Variants in SASH1 observed in about 807,000 individuals in gnomAD.
The protein encoded by SASH1 is SAM and SH3 domain-containing protein 1.
In SASH1, 44 loss-of-function variants were observed where a neutral mutation model predicts 125.2. The ratio of observed to expected loss-of-function variants is 0.35; its 90% CI spans 0.28 to 0.45. The LOEUF (loss-of-function observed/expected upper bound fraction) is 0.45. Ranked by LOEUF, SASH1 falls within the 20% of genes least tolerant of loss-of-function variation. The pLI, the probability that SASH1 is intolerant of heterozygous loss-of-function variation, is 1.00. For synonymous variants in SASH1, 639 were observed against 649.1 expected (o/e 0.98, Z 0.24); for missense variants, 1,426 against 1,614.5 (o/e 0.88, Z 2.00).
At chr6:148,354,872 C>T (rs1230310421) in intron 1 of SASH1, among the ~76,000 whole-genome samples, 1 of 152,148 alleles carries the variant, frequency 6.6e-6, no homozygotes, top group African/African-American at 2.4e-5. Context: ...AAGCAATTCT[C>T]CCTCAGCATC....
At position 148,495,378 on chromosome 6, in the gene SASH1, G is replaced by A. The variant is rs953646405; in HGVS notation, c.729+7663G>A. ...TGTATAACCACTGTCGTCTTTTATA[G>A]AATCTGCTATTGTGAGCTCAACTCA... is the stretch of plus-strand genomic sequence containing the variant. On this transcript the variant is annotated intron_variant, in intron 8 of 19. Coordinates refer to ENST00000367467, the MANE Select transcript of SASH1 (RefSeq NM_015278.5). The surrounding 1 kb of genome is among the most constrained non-coding windows in gnomAD (Gnocchi z 4.0). Among the ~76,000 whole-genome samples the A allele has an allele frequency of 6.6e-6, 1 of 152,160 alleles. No individual in the cohort carries two copies. The highest frequency in any genetic ancestry group is 1.5e-5 in the Non-Finnish European group (1 of 68,024).
intron 8 of SASH1, chr6:148,508,588 T>C (rs1779937542): frequency 9.7e-6 from 11 of 1,135,130 alleles, no homozygotes; most frequent in Non-Finnish European, 1.1e-5. Context: ...GACTTATGCC[T>C]TTCTTGCGAG....
intron 1 of SASH1, among the ~76,000 whole-genome samples, chr6:148,358,422 G>A (rs1379454410): frequency 6.6e-6 from 1 of 152,160 alleles, no homozygotes; most frequent in Non-Finnish European, 1.5e-5. Context: ...GGCTCGGAGT[G>A]TTGTTTTGGC....
At chr6:148,386,005 G>T (rs992220219) in intron 1 of SASH1, among the ~76,000 whole-genome samples, 2 of 152,218 alleles carry the variant, frequency 1.3e-5, no homozygotes, top group South Asian at 4.1e-4. Flanking sequence ...CTTGCTTCTG[G>T]CATCAGAAGT....
intron 1 of SASH1, among the ~76,000 whole-genome samples, chr6:148,283,726 A>T (rs1779407759): frequency 1.3e-5 from 2 of 152,112 alleles, no homozygotes; most frequent in South Asian, 4.2e-4. Flanking sequence ...GGGAGCCAAG[A>T]TCGCACCACT....
the SASH1 span, among the ~76,000 whole-genome samples, chr6:148,218,240 A>G: frequency 6.6e-6 from 1 of 152,102 alleles, no homozygotes; most frequent in Non-Finnish European, 1.5e-5. Flanking sequence ...AAAAAAATAA[A>G]AAAACTTAGC....
At chr6:148,195,456 A>G in the SASH1 span, among the ~76,000 whole-genome samples, 14 of 152,240 alleles carry the variant, frequency 9.2e-5, no homozygotes, top group Non-Finnish European at 1.6e-4. Context: ...TTTCCAAATC[A>G]GATAGTCACA....
intron 8 of SASH1, among the ~76,000 whole-genome samples, chr6:148,497,549 A>T (rs1779365506): frequency 6.6e-6 from 1 of 152,148 alleles, no homozygotes. Context: ...CAGGCACTTC[A>T]TCTCTTTGTT....
At chr6:148,386,968 T>C (rs1459169543) in intron 1 of SASH1, among the ~76,000 whole-genome samples, 1 of 152,100 alleles carries the variant, frequency 6.6e-6, no homozygotes, top group Admixed American at 6.6e-5. Flanking sequence ...GCCCTGGTGC[T>C]GAAGATAGCC....
chr6:148,241,636 C>T, the SASH1 span, among the ~76,000 whole-genome samples: 2 of 152,142 alleles, frequency 1.3e-5, no homozygotes, highest in African/African-American at 4.8e-5. Context: ...AGAAATGAAG[C>T]GAGCTGCAAT....
intron 15 of SASH1, 96 bp from the exon 16 acceptor site, chr6:148,534,655 A>ATGGGAACAGTGTGTGGGTTGC: frequency 8.5e-7 from 1 of 1,178,008 alleles, no homozygotes; most frequent in Non-Finnish European, 1.3e-6. Flanking sequence ...GAAGGTGACT[A>ATGGGAACAGTGTGTGGGTTGC]TGGGAACAGT....
chr6:148,328,130 C>T (rs1323625992), intron 1 of SASH1, among the ~76,000 whole-genome samples: 5 of 152,054 alleles, frequency 3.3e-5, no homozygotes, highest in African/African-American at 4.8e-5. Context: ...CAGCCTTGAA[C>T]GGTTGGCCTC....
chr6:148,512,503 C>G (rs1175217798), intron 8 of SASH1: 1 of 985,092 alleles, frequency 1.0e-6, no homozygotes, highest in Non-Finnish European at 1.2e-6. Flanking sequence ...GAGGGTTAAC[C>G]AAGTTCTCAT....
the SASH1 span, among the ~76,000 whole-genome samples, chr6:148,266,258 C>T: frequency 7.9e-5 from 12 of 152,318 alleles, no homozygotes; most frequent in South Asian, 6.2e-4. Flanking sequence ...CGTGAGCCAC[C>T]GTGCCCAGCT....
Position 148,527,558 on chromosome 6 carries a change from A to G in SASH1, c.1390A>G (p.Arg464Gly). The G allele has an allele frequency of 6.2e-7, 1 of 1,611,308 alleles. No homozygotes were observed. Among genetic ancestry groups the G allele is most frequent in the Non-Finnish European group, 8.5e-7 (1 of 1,179,256 alleles). ...VKSVKETMRK[R>G]MSKKYSSSVS... ...ATCAGTGAAAGAGACGATGAGAAAG[A>G]GAATGTCTAAAAAATACAGCAGCTC... Residue 464 changes from arginine to glycine, a missense_variant, in exon 12 of 20, where the codon AGA becomes GGA. Arg to Gly is a moderately radical substitution (Grantham distance 125). This residue lies in a region of SASH1 where 225 missense variants were observed against 344.5 expected (regional missense o/e 0.65). Transcript: ENST00000367467.
chr6:148,416,157 A>T (rs550426751), intron 2 of SASH1, among the ~76,000 whole-genome samples: 1 of 152,302 alleles, frequency 6.6e-6, no homozygotes, highest in African/African-American at 2.4e-5. Context: ...ACACTCACCT[A>T]TATGGACATG....
chr6:148,528,293 A>G (rs11155574), intron 12 of SASH1, among the ~76,000 whole-genome samples: 2,683 of 152,208 alleles, frequency 0.018, 88 homozygotes, highest in African/African-American at 0.061. Flanking sequence ...ATGACCATTC[A>G]ATTTTCAAGA....
intron 1 of SASH1, among the ~76,000 whole-genome samples, chr6:148,374,345 T>G (rs976696859): frequency 6.6e-6 from 1 of 152,184 alleles, no homozygotes; most frequent in Non-Finnish European, 1.5e-5. Context: ...GTAAAACTGT[T>G]AGCCAAGATG....
chr6:148,300,450 T>C (rs1779908726), intron 1 of SASH1, among the ~76,000 whole-genome samples: 2 of 148,062 alleles, frequency 1.4e-5, no homozygotes, highest in Admixed American at 1.4e-4. Flanking sequence ...AGATTTTTTT[T>C]TTTTTTTTTT....
Sources: gnomAD v4.1 joint callset for allele counts (sites outside exome capture counted in the v4.1 genomes callset) on GRCh38, gnomAD v4.1.1 for gene constraint, gnomAD v4.1.1 regional missense constraint, Gnocchi (gnomAD v3.1) non-coding constraint, MANE v1.5 for transcripts, NCBI Gene and HGNC (gene_info 2026-07-23, HGNC 2026-07-21) for gene names.